The following FSD1L variants were observed in gnomAD, a reference collection of about 807,000 sequenced individuals.
FSD1L encodes the protein fibronectin type III and SPRY domain containing 1 like.
Under a neutral mutation model 71.6 loss-of-function variants are expected in FSD1L, and 45 were observed. The ratio of observed to expected loss-of-function variants is 0.63; its 90% confidence interval spans 0.49 to 0.81. The LOEUF (loss-of-function observed/expected upper bound fraction) is 0.81, where lower values mean the gene tolerates loss of function less well. FSD1L is among the 30% of genes least tolerant of loss of function. FSD1L has a pLI of 0.00. For synonymous variants in FSD1L, 197 were observed against 207.2 expected (o/e 0.95, Z 0.42); for missense variants, 561 against 618.1 (o/e 0.91, Z 0.98).
intron 4 of FSD1L, among the ~76,000 whole-genome samples, chr9:105,469,563 A>G (rs1831306482): frequency 6.6e-6 from 1 of 151,078 alleles, no homozygotes; most frequent in East Asian, 1.9e-4. Context: ...CCATCAATGT[A>G]TTTTCTTTAG....
At chr9:105,464,182 G>C (rs1241768322) in intron 2 of FSD1L, 54 bp from the exon 3 acceptor site, 1 of 920,954 alleles carries the variant, frequency 1.1e-6, no homozygotes, top group Non-Finnish European at 1.7e-6. Context: ...TTGTTAATGA[G>C]TTTTGTAACT....
At chr9:105,495,441 C>T (rs1211625154) in intron 7 of FSD1L, among the ~76,000 whole-genome samples, 1 of 152,228 alleles carries the variant, frequency 6.6e-6, no homozygotes, top group Non-Finnish European at 1.5e-5. Flanking sequence ...CTCCCTGACC[C>T]CTTGCTCTTC....
intron 10 of FSD1L, among the ~76,000 whole-genome samples, chr9:105,513,880 T>A (rs1311330211): frequency 6.6e-6 from 1 of 152,198 alleles, no homozygotes; most frequent in East Asian, 1.9e-4. Flanking sequence ...CTTTCTTGAA[T>A]TTTTTTCCCT....
At chr9:105,540,542 T>A (rs950948752) in intron 13 of FSD1L, among the ~76,000 whole-genome samples, 1 of 152,172 alleles carries the variant, frequency 6.6e-6, no homozygotes, top group African/African-American at 2.4e-5. Flanking sequence ...TACATTTAGA[T>A]ATAGACTGCA....
At chr9:105,471,724 T>TTATATATA (rs35702574) in intron 4 of FSD1L, among the ~76,000 whole-genome samples, 180 bp from the exon 5 acceptor site, 1,572 of 143,290 alleles carry the variant, frequency 0.011, 13 homozygotes, top group Non-Finnish European at 0.012. Context: ...ATAACACGTT[T>TTATATATA]TATATATATA....
intron 7 of FSD1L, among the ~76,000 whole-genome samples, chr9:105,490,406 C>T (rs999892041): frequency 6.6e-6 from 1 of 152,124 alleles, no homozygotes; most frequent in Non-Finnish European, 1.5e-5. Context: ...TGGATACCTG[C>T]CCTTTGTCAG....
At chr9:105,444,479 G>T (rs926381061), upstream of FSD1L, among the ~76,000 whole-genome samples, 29 of 152,172 alleles carry the variant, frequency 1.9e-4, no homozygotes, top group African/African-American at 7.0e-4. Context: ...AACACTGAAA[G>T]GAAGGAAATT....
rs1452428020 is a variant in FSD1L at position 105,464,329 on chromosome 9, C to G, written c.205C>G (p.Gln69Glu). 7.1e-7 allele frequency: 1 copy of G among 1,415,830 alleles called. No individual in the cohort carries two copies. The highest frequency in any genetic ancestry group is 9.5e-7 in the Non-Finnish European group (1 of 1,048,006). 87.7% of individuals were successfully genotyped at this position (1,415,830 alleles called of 1,614,324 possible). A position where few individuals can be genotyped will look rare whatever the true frequency, so the allele number is the denominator to read the frequency against. ...DTLHHTLKGVQENSSNILSEL... is the reference protein window; with the variant it reads ...DTLHHTLKGVEENSSNILSEL... ...ACTACATCATACACTAAAAGGAGTT[C>G]AGGTATGATTGTTTTATGAAAAATT... Residue 69 changes from glutamine to glutamate, a missense_variant and splice_region_variant, in exon 3 of 14, where the codon CAG (glutamine) becomes GAG (glutamate). By Grantham distance (29) the Gln-to-Glu change is conservative. This residue lies in a region of FSD1L where 410 missense variants were observed against 413.5 expected (regional missense o/e 0.99). Transcript: ENST00000481272.
rs113667151 is a variant in FSD1L, at chr9:105,520,409, T to C, written c.1025+7473T>C. On this transcript the variant is annotated intron_variant, in intron 10 of 13. Coordinates refer to ENST00000481272, the MANE Select transcript of FSD1L (RefSeq NM_001145313.3). Reference sequence around the variant, plus strand: ...TAAACAGTTTTTCGACAACATTTTTTACATATATACTATGTGTTCTTTGAA... The same window carrying C: ...TAAACAGTTTTTCGACAACATTTTTCACATATATACTATGTGTTCTTTGAA... The C allele has an allele frequency of 6.4e-3, 7,020 of 1,093,932 alleles. 307 individuals carry two copies. The African/African-American group carries it at 0.093, about 14-fold the overall frequency. 67.8% of individuals were successfully genotyped at this position (1,093,932 alleles called of 1,614,324 possible). A position where few individuals can be genotyped will look rare whatever the true frequency, so the allele number is the denominator to read the frequency against.
At chr9:105,508,748 C>A in intron 9 of FSD1L, 33 bp downstream of exon 9, 1 of 1,229,386 alleles carries the variant, frequency 8.1e-7, no homozygotes, top group South Asian at 1.4e-5. Flanking sequence ...CAGCATAAAA[C>A]AAAGCTTAAC....
intron 1 of FSD1L, among the ~76,000 whole-genome samples, chr9:105,455,566 A>G (rs991326006): frequency 4.6e-5 from 7 of 152,080 alleles, no homozygotes; most frequent in African/African-American, 1.7e-4. Flanking sequence ...ACAATCCCCA[A>G]CAGTTTAGGC....
In FSD1L at chr9:105,547,359, A is replaced by T. The variant is rs1837066105; in HGVS notation, c.*876A>T. On this transcript the variant is annotated 3_prime_UTR_variant, in exon 14 of 14. Coordinates refer to ENST00000481272, the MANE Select transcript of FSD1L (RefSeq NM_001145313.3). ...ATTATGCTGATTTTTAGCATCTCTT[A>T]TAGGAATCAAAGTTTATTAAAGTTA... The T allele has an allele frequency of 6.6e-6, 1 of 152,480 alleles. No individual in the cohort carries two copies. The allele number at this position is 152,480 out of a possible 1,614,324, so 9.4% of individuals were successfully genotyped here. A position where few individuals can be genotyped will look rare whatever the true frequency, so the allele number is the denominator to read the frequency against.
At position 105,500,062 on chromosome 9, in the gene FSD1L, C is replaced by A. The variant is rs114309256; in HGVS notation, c.587-6337C>A. Among the ~76,000 whole-genome samples, 129 of 152,256 alleles carry A rather than the reference C, an allele frequency of 8.5e-4. 1 individual carries two copies. The highest frequency in any genetic ancestry group is 3.1e-3 in the African/African-American group (127 of 41,532). ...TTTCTAGCGCTCCACTTGTATTGCC[C>A]ATCTGTTCTTTTATGCTGTCTACTT... is the stretch of plus-strand genomic sequence containing the variant. On this transcript the variant is annotated intron_variant, in intron 7 of 13. Transcript: ENST00000481272.
At chr9:105,525,208 C>T (rs1835432649) in intron 10 of FSD1L, 30 of 1,603,500 alleles carry the variant, frequency 1.9e-5, no homozygotes, top group African/African-American at 4.0e-5. Flanking sequence ...AAGATATAAC[C>T]GTAAAAGATG....
chr9:105,517,546 A>G (rs1260673237), intron 10 of FSD1L, among the ~76,000 whole-genome samples: 1 of 152,228 alleles, frequency 6.6e-6, no homozygotes, highest in African/African-American at 2.4e-5. Flanking sequence ...CCAGAATTTC[A>G]TATCCAGCCA....
At chr9:105,499,214 C>T (rs574019907) in intron 7 of FSD1L, among the ~76,000 whole-genome samples, 58 of 152,284 alleles carry the variant, frequency 3.8e-4, no homozygotes, top group African/African-American at 1.4e-3. Context: ...TCTCTCCCAT[C>T]ACTTGTATCA....
At chr9:105,466,057 A>G (rs1471252421) in intron 3 of FSD1L, among the ~76,000 whole-genome samples, 1 of 152,208 alleles carries the variant, frequency 6.6e-6, no homozygotes, top group African/African-American at 2.4e-5. Context: ...AAAGTTACAG[A>G]ATGCAATATC....
chr9:105,447,892 G>A (rs532323339), upstream of FSD1L: 26 of 464,310 alleles, frequency 5.6e-5, 1 homozygote, highest in East Asian at 9.4e-4. Flanking sequence ...AAAAGGATGG[G>A]GGAAGGGAGT....
At chr9:105,518,361 C>A (rs1382120460) in intron 10 of FSD1L, among the ~76,000 whole-genome samples, 3 of 152,206 alleles carry the variant, frequency 2.0e-5, no homozygotes, top group African/African-American at 7.2e-5. Context: ...AATATACATT[C>A]TTCTCAGCAC....
Sources: allele counts gnomAD v4.1 joint callset (sites outside exome capture counted in the v4.1 genomes callset), GRCh38; gene constraint gnomAD v4.1.1; regional missense constraint gnomAD v4.1.1; transcripts MANE v1.5; gene names NCBI Gene and HGNC (gene_info 2026-07-23, HGNC 2026-07-21).